DCLK2: variants seen among roughly 807,000 people sequenced by gnomAD.
DCLK2 encodes the protein serine/threonine-protein kinase DCLK2.
In DCLK2, 31 loss-of-function variants were observed where a neutral mutation model predicts 78.4. The observed-to-expected ratio is 0.40, with a 90% confidence interval of 0.30 to 0.53. The LOEUF (loss-of-function observed/expected upper bound fraction) is 0.53, where lower values mean the gene tolerates loss of function less well. Ranked by LOEUF, DCLK2 falls within the 20% of genes least tolerant of loss-of-function variation. The pLI is 0.61. For missense variants in DCLK2, 872 were observed against 973.7 expected, an observed-to-expected ratio of 0.90 and a Z score of 1.39; for synonymous variants, 407 against 374.9, an observed-to-expected ratio of 1.09 and a Z score of -0.99.
At chr4:150,171,183 T>C (rs1736501020) in intron 2 of DCLK2, among the ~76,000 whole-genome samples, 1 of 152,162 alleles carries the variant, frequency 6.6e-6, no homozygotes, top group African/African-American at 2.4e-5. Flanking sequence ...CCACATAAAA[T>C]AGAGATGATT....
Position 150,256,492 on chromosome 4 carries a change from G to C in DCLK2, c.*245G>C. ...TCCGTTCTGCCAACAGCTGTTCGGA[G>C]AGACTCGTTCCAGATCATCCCGTCA... On this transcript the variant is annotated 3_prime_UTR_variant, in exon 16 of 16. Coordinates refer to ENST00000296550, the MANE Select transcript of DCLK2 (RefSeq NM_001040260.4). The C allele has an allele frequency of 2.1e-6, 1 of 486,458 alleles. No homozygotes were observed. Among genetic ancestry groups the C allele is most frequent in the South Asian group, 4.1e-5 (1 of 24,334 alleles). The allele number at this position is 486,458 out of a possible 1,614,324, so 30.1% of individuals were successfully genotyped here.
chr4:150,236,964 C>G (rs1742556739), intron 10 of DCLK2, among the ~76,000 whole-genome samples: 3 of 152,168 alleles, frequency 2.0e-5, no homozygotes, highest in Non-Finnish European at 4.4e-5. Context: ...ACTTCAGGGA[C>G]TTCTGAGTAT....
At chr4:150,175,022 ATATATATATATT>A (rs1736872935) in intron 2 of DCLK2, among the ~76,000 whole-genome samples, 1 of 47,068 alleles carries the variant, frequency 2.1e-5, no homozygotes, top group Admixed American at 3.5e-4. Context: ...ATATATATAT[ATATATATATATT>A]TATATATATT....
At chr4:150,130,079 G>T (rs1430922915) in intron 2 of DCLK2, among the ~76,000 whole-genome samples, 1 of 152,066 alleles carries the variant, frequency 6.6e-6, no homozygotes, top group African/African-American at 2.4e-5. Flanking sequence ...TGGATGTTTT[G>T]CACGGAAGTT....
rs1380365666 is a variant in DCLK2, at chr4:150,232,965, T to G, written c.1566+137T>G. The G allele has an allele frequency of 2.7e-6, 3 of 1,106,794 alleles. No individual in the cohort carries two copies. In the South Asian group the frequency reaches 5.1e-5, roughly 19 times the overall value. 68.6% of individuals were successfully genotyped at this position (1,106,794 alleles called of 1,614,324 possible). On this transcript the variant is annotated intron_variant, in intron 10 of 15. Coordinates refer to ENST00000296550, the MANE Select transcript of DCLK2 (RefSeq NM_001040260.4). ...AAATTTAGAAAATTAGCAAGACTTA[T>G]GTCAATGACCATCAAATACTAATGG...
chr4:150,156,738 CTATT>C (rs1333561280), intron 2 of DCLK2, among the ~76,000 whole-genome samples: 1 of 142,932 alleles, frequency 7.0e-6, no homozygotes, highest in African/African-American at 2.6e-5. Flanking sequence ...TAGGGAGTAA[CTATT>C]TTATTTATTT....
chr4:150,161,694 G>A (rs1448562372), intron 2 of DCLK2, among the ~76,000 whole-genome samples: 3 of 152,216 alleles, frequency 2.0e-5, no homozygotes, highest in African/African-American at 7.2e-5. Flanking sequence ...ACAGAGATGT[G>A]TTTCCATTTG....
intron 2 of DCLK2, among the ~76,000 whole-genome samples, chr4:150,112,641 A>C (rs1048502927): frequency 1.3e-5 from 2 of 151,864 alleles, no homozygotes; most frequent in Admixed American, 6.6e-5. Context: ...TTTTTTTATC[A>C]TAAAAGGATG....
chr4:150,138,999 A>C (rs1360652566), intron 2 of DCLK2, among the ~76,000 whole-genome samples: 1 of 152,078 alleles, frequency 6.6e-6, no homozygotes, highest in African/African-American at 2.4e-5. Flanking sequence ...AATTTAAAAA[A>C]AAAAAAGGTT....
chr4:150,131,829 A>G (rs905478925), intron 2 of DCLK2, among the ~76,000 whole-genome samples: 2 of 152,134 alleles, frequency 1.3e-5, no homozygotes, highest in African/African-American at 4.8e-5. Context: ...CCTCAGCAGA[A>G]GTGAGCCTCC....
At chr4:150,106,088 C>G (rs1731231202) in intron 2 of DCLK2, among the ~76,000 whole-genome samples, 1 of 151,570 alleles carries the variant, frequency 6.6e-6, no homozygotes, top group Non-Finnish European at 1.5e-5. Context: ...TTAAGACTTT[C>G]AAGTAAAATA....
At chr4:150,133,568 T>C (rs568747066) in intron 2 of DCLK2, among the ~76,000 whole-genome samples, 2 of 152,334 alleles carry the variant, frequency 1.3e-5, no homozygotes, top group South Asian at 2.1e-4. Flanking sequence ...AGTACATTCA[T>C]ATATAATAAA....
Position 150,220,700 on chromosome 4 carries a change from C to A in DCLK2, c.1057-3C>A. ...ATAAATAATGGTCATTCTCCTCTTT[C>A]AGCAGATTTCTGCTCATGGCAGATC... On this transcript the variant is annotated splice_region_variant and splice_polypyrimidine_tract_variant and intron_variant, in intron 5 of 15. Coordinates refer to ENST00000296550, the MANE Select transcript of DCLK2 (RefSeq NM_001040260.4). 6.2e-7 allele frequency: 1 copy of A among 1,611,892 alleles called. No individual in the cohort carries two copies. Among genetic ancestry groups the A allele is most frequent in the Non-Finnish European group, 8.5e-7 (1 of 1,178,510 alleles).
At chr4:150,129,421 T>C (rs1271155366) in intron 2 of DCLK2, among the ~76,000 whole-genome samples, 2 of 152,126 alleles carry the variant, frequency 1.3e-5, no homozygotes, top group African/African-American at 4.8e-5. Flanking sequence ...TAAAATAATT[T>C]ATTAAAATAA....
rs189143621 is a variant in DCLK2, at chr4:150,253,522, G to A, written c.2074-2498G>A. 122 of 1,289,616 alleles carry A rather than the reference G, an allele frequency of 9.5e-5. No individual in the cohort carries two copies. The African/African-American group carries it at 1.3e-3, about 14-fold the overall frequency. The allele number at this position is 1,289,616 out of a possible 1,614,324, so 79.9% of individuals were successfully genotyped here. A position where few individuals can be genotyped will look rare whatever the true frequency, so the allele number is the denominator to read the frequency against. Reference sequence around the variant, plus strand: ...ACCTCAGAGTTTCCTTCTTTACCCCGCTGAGACAGTGGGAGAGCCTGAAGC... The same window carrying A: ...ACCTCAGAGTTTCCTTCTTTACCCCACTGAGACAGTGGGAGAGCCTGAAGC... On this transcript the variant is annotated intron_variant, in intron 15 of 15. Transcript: ENST00000296550.
chr4:150,099,399 A>G (rs2150150017), intron 1 of DCLK2, among the ~76,000 whole-genome samples: 1 of 152,358 alleles, frequency 6.6e-6, no homozygotes, highest in East Asian at 1.9e-4. Flanking sequence ...CTGCCCAGGG[A>G]ACCAACATCT....
chr4:150,195,930 G>A (rs1245683353), intron 3 of DCLK2, among the ~76,000 whole-genome samples: 3 of 151,930 alleles, frequency 2.0e-5, no homozygotes, highest in Non-Finnish European at 2.9e-5. Flanking sequence ...AGTAATATGC[G>A]TCCACTGCTA....
intron 2 of DCLK2, among the ~76,000 whole-genome samples, chr4:150,145,914 C>G (rs540910885): frequency 6.6e-6 from 1 of 152,248 alleles, no homozygotes; most frequent in South Asian, 2.1e-4. Context: ...AATATTCTAC[C>G]AAAAACACAG....
chr4:150,109,390 A>G (rs1731498482), intron 2 of DCLK2, among the ~76,000 whole-genome samples: 1 of 149,086 alleles, frequency 6.7e-6, no homozygotes, highest in Non-Finnish European at 1.5e-5. Context: ...GCTGGAGTGC[A>G]GTGGCATGAT....
Sources: gnomAD v4.1 joint callset for allele counts (sites outside exome capture counted in the v4.1 genomes callset) on GRCh38, gnomAD v4.1.1 for gene constraint, MANE v1.5 for transcripts, NCBI Gene and HGNC (gene_info 2026-07-23, HGNC 2026-07-21) for gene names.